Variants in WDR27 observed in about 807,000 individuals in gnomAD.
WDR27 encodes WD repeat-containing protein 27.
In WDR27, 100 loss-of-function variants were observed where a neutral mutation model predicts 114.4. That is an observed-to-expected ratio of 0.87 (90% CI 0.74 to 1.03). WDR27 has a LOEUF of 1.03. Among genes scored for constraint, WDR27 ranks in the 50% least tolerant of loss-of-function variants. The probability of loss-of-function intolerance (pLI) is 0.00; values close to 1 mark genes in which losing one functional copy is unlikely to be tolerated. For synonymous variants in WDR27, 449 were observed against 423.1 expected, an observed-to-expected ratio of 1.06 and a Z score of -0.75; for missense variants, 1,129 against 1,092.9, an observed-to-expected ratio of 1.03 and a Z score of -0.47.
chr6:169,612,376 C>T (rs889538539), intron 22 of WDR27, among the ~76,000 whole-genome samples: 2 of 152,134 alleles, frequency 1.3e-5, no homozygotes, highest in African/African-American at 2.4e-5. Flanking sequence ...GCTGAGATCG[C>T]GCCACTGCAC....
At chr6:169,499,943 C>T (rs1391627415) in intron 25 of WDR27, among the ~76,000 whole-genome samples, 1 of 152,174 alleles carries the variant, frequency 6.6e-6, no homozygotes, top group Non-Finnish European at 1.5e-5. Context: ...TGAAGTCTGT[C>T]CGGGGGACCT....
In WDR27 at chr6:169,701,994, T is replaced by C. The variant is rs1042464448; in HGVS notation, c.-451A>G. ...CTCCGCCCCACGCTCGCCGCTATGG[T>C]TACTTGCCAGCCGACCCACGCGAGC... is the stretch of plus-strand genomic sequence containing the variant. On this transcript the variant is annotated 5_prime_UTR_variant, in exon 1 of 26. Coordinates refer to ENST00000448612, the MANE Select transcript of WDR27 (RefSeq NM_182552.5). 3 of 415,918 alleles carry C rather than the reference T, an allele frequency of 7.2e-6. No individual in the cohort carries two copies. Among genetic ancestry groups the C allele is most frequent in the African/African-American group, 2.0e-5 (1 of 49,112 alleles). The allele number at this position is 415,918 out of a possible 1,614,324, so 25.8% of individuals were successfully genotyped here.
chr6:169,628,368 C>G (rs1450601395), intron 21 of WDR27, among the ~76,000 whole-genome samples: 2 of 152,142 alleles, frequency 1.3e-5, no homozygotes, highest in Admixed American at 1.3e-4. Flanking sequence ...GACTGAGACT[C>G]CACATTTGGA....
intron 4 of WDR27, 93 bp downstream of exon 4, chr6:169,670,476 G>A: frequency 1.4e-6 from 2 of 1,462,638 alleles, no homozygotes; most frequent in South Asian, 1.3e-5. Context: ...AGGAGTACAG[G>A]AAAAAAGAAA....
intron 16 of WDR27, among the ~76,000 whole-genome samples, chr6:169,645,016 A>AT (rs1820190025): frequency 9.9e-6 from 1 of 100,816 alleles, no homozygotes; most frequent in Non-Finnish European, 1.8e-5. Flanking sequence ...CTCAAAAAAA[A>AT]AAAAAATAAA....
At chr6:169,646,317 A>C (rs1290541639) in intron 16 of WDR27, among the ~76,000 whole-genome samples, 3 of 152,228 alleles carry the variant, frequency 2.0e-5, no homozygotes, top group African/African-American at 4.8e-5. Flanking sequence ...GCTGCACCCA[A>C]AAGGCCCCTG....
intron 25 of WDR27, among the ~76,000 whole-genome samples, chr6:169,465,661 T>A (rs894281431): frequency 6.6e-6 from 1 of 152,176 alleles, no homozygotes; most frequent in Middle Eastern, 3.2e-3. Context: ...CATCAATGGA[T>A]AAATGGATAA....
intron 25 of WDR27, among the ~76,000 whole-genome samples, chr6:169,556,921 C>T (rs768397255): frequency 7.9e-5 from 12 of 152,304 alleles, no homozygotes; most frequent in Middle Eastern, 6.8e-3. Flanking sequence ...CCACATGTAA[C>T]TGAGATGATG....
At chr6:169,699,111 G>A (rs1376054101) in intron 1 of WDR27, among the ~76,000 whole-genome samples, 1 of 152,180 alleles carries the variant, frequency 6.6e-6, no homozygotes, top group Non-Finnish European at 1.5e-5. Flanking sequence ...TTACTCTCCT[G>A]CAGCCCTACA....
intron 25 of WDR27, among the ~76,000 whole-genome samples, chr6:169,505,224 C>T (rs1791856795): frequency 6.6e-6 from 1 of 152,144 alleles, no homozygotes; most frequent in African/African-American, 2.4e-5. Flanking sequence ...ACTTAGTAAG[C>T]TCCAATCAGA....
In WDR27 at chr6:169,605,262, G is replaced by A. The variant is rs1417433354; in HGVS notation, c.2322-2941C>T. Among the ~76,000 whole-genome samples the A allele has an allele frequency of 4.0e-5, 6 of 151,582 alleles. No homozygotes were observed. The East Asian group carries it at 9.7e-4, about 24-fold the overall frequency. ...CTCTTAGATTTGATAAATAAATTCA[G>A]TAAAATTTCAGGATACAAAATCAAT... On this transcript the variant is annotated intron_variant, in intron 22 of 25. Transcript: ENST00000448612.
At chr6:169,595,259 T>C (rs1806553538) in intron 23 of WDR27, among the ~76,000 whole-genome samples, 1 of 152,260 alleles carries the variant, frequency 6.6e-6, no homozygotes, top group African/African-American at 2.4e-5. Context: ...ATTTAATGTA[T>C]GGCAGTTTAC....
At chr6:169,504,882 A>T (rs1791812979) in intron 25 of WDR27, among the ~76,000 whole-genome samples, 1 of 152,132 alleles carries the variant, frequency 6.6e-6, no homozygotes, top group Non-Finnish European at 1.5e-5. Context: ...TACAGGTATG[A>T]TCTACTACAC....
chr6:169,489,147 C>T (rs1357549668), intron 25 of WDR27, among the ~76,000 whole-genome samples: 1 of 152,080 alleles, frequency 6.6e-6, no homozygotes, highest in Admixed American at 6.6e-5. Flanking sequence ...AGTCAAGGAG[C>T]AGCCAGGAGC....
intron 24 of WDR27, among the ~76,000 whole-genome samples, chr6:169,582,060 G>A (rs1354777105): frequency 2.6e-5 from 4 of 152,218 alleles, no homozygotes; most frequent in Admixed American, 1.3e-4. Flanking sequence ...TGCAACCGCC[G>A]CCTCCCAGGT....
At chr6:169,528,257 C>T (rs1795176111) in intron 25 of WDR27, among the ~76,000 whole-genome samples, 1 of 152,040 alleles carries the variant, frequency 6.6e-6, no homozygotes, top group South Asian at 2.1e-4. Flanking sequence ...AAAGGCATTA[C>T]TGAAAAAAGA....
intron 2 of WDR27, among the ~76,000 whole-genome samples, chr6:169,686,424 C>G (rs1421788836): frequency 6.6e-6 from 1 of 151,942 alleles, no homozygotes; most frequent in Admixed American, 6.6e-5. Context: ...TATCAATAAC[C>G]CTGAATGTAA....
At chr6:169,434,508 T>TAG in the WDR27 span, among the ~76,000 whole-genome samples, 1 of 152,240 alleles carries the variant, frequency 6.6e-6, no homozygotes, top group Non-Finnish European at 1.5e-5. Flanking sequence ...TGAAGTCAGG[T>TAG]AGCTTGATGC....
chr6:169,680,006 T>C (rs887850954), intron 2 of WDR27, among the ~76,000 whole-genome samples: 6 of 152,144 alleles, frequency 3.9e-5, no homozygotes, highest in African/African-American at 1.4e-4. Flanking sequence ...GAGCAACATA[T>C]TAAAAACCTG....
Sources: gnomAD v4.1 joint callset for allele counts (sites outside exome capture counted in the v4.1 genomes callset) on GRCh38, gnomAD v4.1.1 for gene constraint, MANE v1.5 for transcripts, NCBI Gene and HGNC (gene_info 2026-07-23, HGNC 2026-07-21) for gene names.